RAB3GAP2: variants seen among roughly 807,000 people sequenced by gnomAD.
RAB3GAP2 encodes the protein RAB3 GTPase activating non-catalytic protein subunit 2, also known as rab3 GTPase-activating protein non-catalytic subunit.
In RAB3GAP2, 87 loss-of-function variants were observed where a neutral mutation model predicts 185.3. That is an observed-to-expected ratio of 0.47 (90% confidence interval 0.39 to 0.56). The LOEUF is 0.56. Among genes scored for constraint, RAB3GAP2 ranks in the 20% least tolerant of loss-of-function variants. The probability of loss-of-function intolerance (pLI) is 0.00; values close to 1 mark genes in which losing one functional copy is unlikely to be tolerated. For missense variants in RAB3GAP2, 1,492 were observed against 1,638.2 expected (o/e 0.91, Z 1.54); for synonymous variants, 554 against 576.1 (o/e 0.96, Z 0.55).
chr1:220,195,671 T>C (rs1233845462), intron 10 of RAB3GAP2, among the ~76,000 whole-genome samples: 1 of 152,224 alleles, frequency 6.6e-6, no homozygotes, highest in African/African-American at 2.4e-5. Flanking sequence ...ATTACATTAT[T>C]CTAGCTGGAC....
At position 220,239,391 on chromosome 1, in the gene RAB3GAP2, C is replaced by T. The variant is rs756254221; in HGVS notation, c.116-6528G>A. Among the ~76,000 whole-genome samples, 10 of 152,102 alleles carry T rather than the reference C, an allele frequency of 6.6e-5. 1 individual carries two copies. The highest frequency in any genetic ancestry group is 2.1e-4 in the South Asian group (1 of 4,826). ...GACTACAGGCATATGCCACCATGTC[C>T]GGCAAATTTTTGTATTTTTTGCAGA... On this transcript the variant is annotated intron_variant, in intron 1 of 34. Transcript: ENST00000358951.
intron 3 of RAB3GAP2, 24 bp downstream of exon 3, chr1:220,213,832 C>T (rs202075260): frequency 6.9e-6 from 11 of 1,604,216 alleles, no homozygotes; most frequent in Admixed American, 1.7e-5. Context: ...AAATAAAGGT[C>T]GCTGAAAATA....
At position 220,227,469 on chromosome 1, in the gene RAB3GAP2, C is replaced by T. The variant is rs139956746; in HGVS notation, c.180+5330G>A. ...AGAAACTACTCTCAAAGAGCTAACA[C>T]ACTCGTGGAGATAAAAAGCACTGTG... On this transcript the variant is annotated intron_variant, in intron 2 of 34. Coordinates refer to ENST00000358951, the MANE Select transcript of RAB3GAP2 (RefSeq NM_012414.4). 3.2e-3 allele frequency among the ~76,000 whole-genome samples: 484 copies of T among 152,306 alleles called. 2 individuals are homozygous for T. Among genetic ancestry groups the T allele is most frequent in the Admixed American group, 6.7e-3 (103 of 15,306 alleles).
intron 2 of RAB3GAP2, 143 bp from the exon 3 acceptor site, chr1:220,214,122 T>A (rs1659138028): frequency 2.4e-6 from 2 of 831,002 alleles, no homozygotes; most frequent in Admixed American, 4.8e-5. Context: ...ATATTCCTTA[T>A]CAAAACATGC....
intron 2 of RAB3GAP2, 85 bp downstream of exon 2, chr1:220,232,714 T>G: frequency 8.1e-7 from 1 of 1,239,178 alleles, no homozygotes; most frequent in Non-Finnish European, 1.2e-6. Context: ...ATTTAAAATG[T>G]CAGCTTGACA....
At chr1:220,230,478 T>C (rs1040522558) in intron 2 of RAB3GAP2, among the ~76,000 whole-genome samples, 2 of 152,224 alleles carry the variant, frequency 1.3e-5, no homozygotes, top group African/African-American at 4.8e-5. Flanking sequence ...AGCTGCATTT[T>C]ATCCTATTCA....
chr1:220,232,941 A>C, intron 1 of RAB3GAP2, 78 bp from the exon 2 acceptor site: 1 of 1,231,570 alleles, frequency 8.1e-7, no homozygotes, highest in Non-Finnish European at 1.2e-6. Flanking sequence ...TCTAAACATC[A>C]TAGAACCAAC....
rs1323532876 is a variant in RAB3GAP2 at position 220,165,909 on chromosome 1, G to A, written c.3088-1110C>T. ...TTTGTCTATGTCCCCTCTGCAAGCTGCCTTTGGTTTATAAACAAATACTAC... is the reference window on the plus strand; with the variant it reads ...TTTGTCTATGTCCCCTCTGCAAGCTACCTTTGGTTTATAAACAAATACTAC... On this transcript the variant is annotated intron_variant, in intron 26 of 34. Coordinates refer to ENST00000358951, the MANE Select transcript of RAB3GAP2 (RefSeq NM_012414.4). Among the ~76,000 whole-genome samples the A allele has an allele frequency of 3.3e-5, 5 of 152,288 alleles. 1 individual carries two copies. In the South Asian group the frequency reaches 1.0e-3, roughly 32 times the overall value.
rs372796192 is a variant in RAB3GAP2, at chr1:220,161,561, T to C, written c.3225+637A>G. On this transcript the variant is annotated intron_variant, in intron 28 of 34. Transcript: ENST00000358951. Reference sequence around the variant, plus strand: ...TTCCCAAAGCTACTCATGCTGGTTGTAGATGTCACTGTAATTATGTAATTT... The same window carrying C: ...TTCCCAAAGCTACTCATGCTGGTTGCAGATGTCACTGTAATTATGTAATTT... Among the ~76,000 whole-genome samples the C allele has an allele frequency of 2.0e-5, 3 of 152,198 alleles. No homozygotes were observed. The East Asian group carries it at 5.8e-4, about 29-fold the overall frequency.
intron 2 of RAB3GAP2, among the ~76,000 whole-genome samples, chr1:220,222,823 T>G (rs1250420410): frequency 2.0e-5 from 3 of 152,146 alleles, no homozygotes; most frequent in Non-Finnish European, 4.4e-5. Context: ...TGTAGAGCCA[T>G]GCAGAACCCC....
chr1:220,208,720 AT>A (rs200653028), intron 7 of RAB3GAP2, among the ~76,000 whole-genome samples: 6,361 of 146,476 alleles, frequency 0.043, 382 homozygotes, highest in African/African-American at 0.14. Flanking sequence ...CTTCAAAACA[AT>A]TTTTTTTTTT....
intron 8 of RAB3GAP2, among the ~76,000 whole-genome samples, chr1:220,205,662 G>A (rs937113087): frequency 2.0e-5 from 3 of 152,096 alleles, no homozygotes; most frequent in African/African-American, 7.2e-5. Flanking sequence ...AAGAAAGCCC[G>A]GTGTTCCTGT....
intron 27 of RAB3GAP2, among the ~76,000 whole-genome samples, chr1:220,164,128 C>A (rs2102855413): frequency 6.6e-6 from 1 of 152,270 alleles, no homozygotes. Context: ...ATATTCACAT[C>A]CATTATAAGA....
intron 2 of RAB3GAP2, chr1:220,220,589 T>C (rs1253493579): frequency 6.6e-6 from 1 of 152,268 alleles, no homozygotes; most frequent in East Asian, 1.9e-4. Flanking sequence ...GGATTTTTTG[T>C]ACCTGGCTGA....
In RAB3GAP2 at chr1:220,184,050, G is replaced by A. The variant is rs779101759; in HGVS notation, c.1984C>T (p.Pro662Ser). The A allele has an allele frequency of 1.0e-5, 16 of 1,575,746 alleles. No homozygotes were observed. Among genetic ancestry groups the A allele is most frequent in the East Asian group, 4.5e-5 (2 of 44,504 alleles). The change falls in exon 19 of 35, where the codon CCA (proline) becomes TCA (serine). Residue 662 changes from proline to serine, a missense_variant. Physicochemically the swap from Pro to Ser is moderately conservative, Grantham distance 74. This residue lies in a region of RAB3GAP2 where 681 missense variants were observed against 689.1 expected (regional missense o/e 0.99). Coordinates refer to ENST00000358951, the MANE Select transcript of RAB3GAP2 (RefSeq NM_012414.4). Reference protein sequence around the residue: ...LNSLDFHLDTPFSDNDLALLL... With the variant: ...LNSLDFHLDTSFSDNDLALLL... Reference sequence around the variant, plus strand: ...GGATTACTCACATTATCAGAGAATGGTGTGTCTAAATGAAAATCAAGGGAA... The same window carrying A: ...GGATTACTCACATTATCAGAGAATGATGTGTCTAAATGAAAATCAAGGGAA...
chr1:220,254,643 C>A (rs919000357), intron 1 of RAB3GAP2: 10 of 854,722 alleles, frequency 1.2e-5, no homozygotes, highest in Admixed American at 2.3e-5. Flanking sequence ...TAGTGTATAA[C>A]AATTGATGTT....
chr1:220,253,202 G>A (rs552353282), intron 1 of RAB3GAP2, among the ~76,000 whole-genome samples: 3 of 152,298 alleles, frequency 2.0e-5, no homozygotes, highest in Non-Finnish European at 4.4e-5. Context: ...TCCTCACTGG[G>A]TGGGACCTCC....
intron 1 of RAB3GAP2, among the ~76,000 whole-genome samples, chr1:220,249,238 T>C (rs963224873): frequency 2.6e-5 from 4 of 152,078 alleles, no homozygotes; most frequent in African/African-American, 9.7e-5. Context: ...GTGGGAAAGT[T>C]TGGAACTCCC....
intron 9 of RAB3GAP2, among the ~76,000 whole-genome samples, chr1:220,197,013 G>A (rs932496785): frequency 3.3e-5 from 5 of 150,250 alleles, no homozygotes; most frequent in Admixed American, 6.6e-5. Context: ...TTGAGATGGC[G>A]TCTCACCCTG....
Sources: gnomAD v4.1 joint callset for allele counts (sites outside exome capture counted in the v4.1 genomes callset) on GRCh38, gnomAD v4.1.1 for gene constraint, gnomAD v4.1.1 regional missense constraint, MANE v1.5 for transcripts, NCBI Gene and HGNC (gene_info 2026-07-23, HGNC 2026-07-21) for gene names.